The following PREX2 variants were observed in gnomAD, a reference collection of about 807,000 sequenced individuals.
The protein encoded by PREX2 is phosphatidylinositol-3,4,5-trisphosphate dependent Rac exchange factor 2.
Under a neutral mutation model 203.2 loss-of-function variants are expected in PREX2, and 107 were observed. The observed-to-expected ratio is 0.53, with a 90% CI of 0.45 to 0.62. PREX2 has a LOEUF of 0.62. PREX2 is among the 20% of genes least tolerant of loss of function. The pLI is 0.00. For synonymous variants in PREX2, 672 were observed against 663.6 expected, an observed-to-expected ratio of 1.01 and a Z score of -0.19; for missense variants, 1,777 against 1,955.9, an observed-to-expected ratio of 0.91 and a Z score of 1.72.
intron 37 of PREX2, among the ~76,000 whole-genome samples, chr8:68,208,643 C>A (rs367874726): frequency 6.6e-6 from 1 of 152,064 alleles, no homozygotes; most frequent in East Asian, 1.9e-4. Context: ...GGAAACTGAG[C>A]AGAATCATTT....
At chr8:68,176,427 G>T (rs1417788688) in intron 35 of PREX2, among the ~76,000 whole-genome samples, 1 of 152,152 alleles carries the variant, frequency 6.6e-6, no homozygotes, top group Non-Finnish European at 1.5e-5. Context: ...AGTTAATGAT[G>T]TGGAATTTGC....
At chr8:68,155,902 ATAT>A (rs1040151760) in intron 34 of PREX2, among the ~76,000 whole-genome samples, 5 of 152,228 alleles carry the variant, frequency 3.3e-5, no homozygotes, top group African/African-American at 4.8e-5. Context: ...AATTAGTGAG[ATAT>A]TATAACTAAA....
chr8:68,095,334 A>T (rs1434777277), intron 21 of PREX2, among the ~76,000 whole-genome samples: 1 of 152,128 alleles, frequency 6.6e-6, no homozygotes, highest in Non-Finnish European at 1.5e-5. Context: ...CCTGACAACC[A>T]GCCCCCATCC....
chr8:68,119,239 G>A (rs1033024947), intron 27 of PREX2, among the ~76,000 whole-genome samples, 193 bp from the exon 28 acceptor site: 9 of 152,144 alleles, frequency 5.9e-5, no homozygotes, highest in African/African-American at 1.9e-4. Context: ...GAGGCACTCC[G>A]CCTTCAGAAG....
chr8:68,130,671 A>G (rs571663018), intron 31 of PREX2, among the ~76,000 whole-genome samples: 3 of 152,312 alleles, frequency 2.0e-5, no homozygotes, highest in African/African-American at 7.2e-5. Context: ...ATGGCTTAGA[A>G]TGGTTGGTTG....
At chr8:68,019,454 T>C in intron 2 of PREX2, 95 bp from the exon 3 acceptor site, 1 of 977,006 alleles carries the variant, frequency 1.0e-6, no homozygotes. Flanking sequence ...GGCATGGATG[T>C]ATGGTTTTCA....
chr8:68,114,878 A>T (rs182533217), intron 25 of PREX2, among the ~76,000 whole-genome samples: 1 of 152,282 alleles, frequency 6.6e-6, no homozygotes, highest in East Asian at 1.9e-4. Context: ...CAAGGCATAG[A>T]TAGAGGGTAG....
chr8:67,990,967 C>G (rs1409386574), intron 1 of PREX2, among the ~76,000 whole-genome samples: 2 of 152,174 alleles, frequency 1.3e-5, no homozygotes, highest in Non-Finnish European at 2.9e-5. Flanking sequence ...GGCCCTTGGG[C>G]CATCCACTTG....
chr8:68,125,074 A>G (rs1034342511), intron 30 of PREX2, among the ~76,000 whole-genome samples: 3 of 152,138 alleles, frequency 2.0e-5, no homozygotes, highest in African/African-American at 4.8e-5. Flanking sequence ...GCGAGAGGGC[A>G]TGCTACCATT....
At chr8:67,952,559 G>C (rs749340293) in intron 1 of PREX2, 24 bp downstream of exon 1, 5 of 1,600,764 alleles carry the variant, frequency 3.1e-6, no homozygotes, top group Non-Finnish European at 4.3e-6. Context: ...GCAGACGCAG[G>C]GGGACGTCCG....
At position 68,235,841 on chromosome 8, in the gene PREX2, A is replaced by G. The variant is rs781745063; in HGVS notation, c.*4463A>G. 1 of 152,138 alleles carries G rather than the reference A, an allele frequency of 6.6e-6. No homozygotes were observed. The highest frequency in any genetic ancestry group is 6.6e-5 in the Admixed American group (1 of 15,250). The allele number at this position is 152,138 out of a possible 1,614,324, so 9.4% of individuals were successfully genotyped here. On this transcript the variant is annotated 3_prime_UTR_variant, in exon 40 of 40. Transcript: ENST00000288368. ...ACTGCCAACAGTCTGCTGGTCATAC[A>G]TGGAAGACTGTTAAAGTGTGGTCTG... is the stretch of plus-strand genomic sequence containing the variant.
At chr8:67,997,408 G>A (rs563158003) in intron 1 of PREX2, among the ~76,000 whole-genome samples, 1 of 152,280 alleles carries the variant, frequency 6.6e-6, no homozygotes, top group South Asian at 2.1e-4. Flanking sequence ...GGTACAGTAG[G>A]AGACTAATAA....
At chr8:68,095,539 G>A (rs867060529) in intron 21 of PREX2, among the ~76,000 whole-genome samples, 13 of 135,654 alleles carry the variant, frequency 9.6e-5, no homozygotes, top group Non-Finnish European at 9.6e-5. Context: ...ATACATATAT[G>A]TGTGTGTGTG....
intron 33 of PREX2, among the ~76,000 whole-genome samples, chr8:68,143,328 A>G (rs1033375345): frequency 1.3e-5 from 2 of 152,164 alleles, no homozygotes; most frequent in Middle Eastern, 3.4e-3. Context: ...AGTGTGTAGC[A>G]TGTCCCAGCT....
chr8:68,124,720 C>T (rs1810855520), intron 30 of PREX2, among the ~76,000 whole-genome samples: 2 of 152,108 alleles, frequency 1.3e-5, no homozygotes, highest in South Asian at 4.1e-4. Flanking sequence ...CTTACATTTT[C>T]ATTTCAAGAC....
At chr8:67,975,341 A>G (rs372244745) in intron 1 of PREX2, among the ~76,000 whole-genome samples, 3 of 120,762 alleles carry the variant, frequency 2.5e-5, no homozygotes, top group African/African-American at 6.6e-5. Flanking sequence ...TTGTGTTGCT[A>G]TATAAGTACC....
intron 37 of PREX2, among the ~76,000 whole-genome samples, chr8:68,204,827 G>A (rs989504858): frequency 7.9e-5 from 12 of 151,334 alleles, no homozygotes; most frequent in South Asian, 2.1e-4. Context: ...GACTACAGGC[G>A]CCTGCCACCA....
At chr8:68,026,917 T>TATCCATCCATTA (rs1487912375) in intron 4 of PREX2, among the ~76,000 whole-genome samples, 2 of 152,056 alleles carry the variant, frequency 1.3e-5, no homozygotes, top group Non-Finnish European at 2.9e-5. Context: ...ATCCACCACT[T>TATCCATCCATTA]ATCCATCCAT....
chr8:68,178,100 A>G (rs1465489061), intron 35 of PREX2, among the ~76,000 whole-genome samples: 1 of 152,160 alleles, frequency 6.6e-6, no homozygotes, highest in Non-Finnish European at 1.5e-5. Context: ...CAATGAACAT[A>G]TATGTGCATG....
Sources: allele counts gnomAD v4.1 joint callset (sites outside exome capture counted in the v4.1 genomes callset), GRCh38; gene constraint gnomAD v4.1.1; transcripts MANE v1.5; gene names NCBI Gene and HGNC (gene_info 2026-07-23, HGNC 2026-07-21).